The following MAPK4 variants were observed in gnomAD, a reference collection of about 807,000 sequenced individuals.
The protein encoded by MAPK4 is mitogen-activated protein kinase 4, also known as Erk3-related.
In MAPK4, 22 loss-of-function variants were observed where a neutral mutation model predicts 47.7. The ratio of observed to expected loss-of-function variants is 0.46; its 90% CI spans 0.33 to 0.66. The LOEUF (loss-of-function observed/expected upper bound fraction) is 0.66. MAPK4 is among the 30% of genes least tolerant of loss of function. The pLI is 0.02. For synonymous variants in MAPK4, 390 were observed against 365.7 expected, an observed-to-expected ratio of 1.07 and a Z score of -0.76; for missense variants, 736 against 831.7, an observed-to-expected ratio of 0.88 and a Z score of 1.42.
intron 2 of MAPK4, among the ~76,000 whole-genome samples, chr18:50,694,975 T>C (rs1909421846): frequency 6.6e-6 from 1 of 152,232 alleles, no homozygotes; most frequent in Non-Finnish European, 1.5e-5. Flanking sequence ...GGTAAGTGCC[T>C]GATAACTGGC....
Position 50,689,500 on chromosome 18 carries a change from A to G in MAPK4, c.546+24996A>G, listed in dbSNP as rs114599201. 4.3e-3 allele frequency among the ~76,000 whole-genome samples: 660 copies of G among 152,220 alleles called. 4 individuals are homozygous for G. The highest frequency in any genetic ancestry group is 0.015 in the African/African-American group (626 of 41,522). ...ACCTTTGAGGAGATGGGCAGGGGGA[A>G]TAGATGTTTTAGAGAACAGCACTGA... is the stretch of plus-strand genomic sequence containing the variant. On this transcript the variant is annotated intron_variant, in intron 2 of 5. Coordinates refer to ENST00000400384, the MANE Select transcript of MAPK4 (RefSeq NM_002747.4).
intron 2 of MAPK4, among the ~76,000 whole-genome samples, chr18:50,694,733 T>C (rs1909411385): frequency 6.6e-6 from 1 of 152,164 alleles, no homozygotes; most frequent in South Asian, 2.1e-4. Flanking sequence ...TGGGACCTGC[T>C]TGTCTCTTTG....
At chr18:50,645,362 G>A (rs192402182) in intron 1 of MAPK4, among the ~76,000 whole-genome samples, 2 of 152,298 alleles carry the variant, frequency 1.3e-5, no homozygotes, top group East Asian at 1.9e-4. Flanking sequence ...CCAACGTGCT[G>A]TCCATAGTGG....
chr18:50,670,424 T>C (rs1907875305), intron 2 of MAPK4, among the ~76,000 whole-genome samples: 1 of 152,052 alleles, frequency 6.6e-6, no homozygotes, highest in African/African-American at 2.4e-5. Context: ...TCAGACTGCT[T>C]CCATGCTTTG....
chr18:50,623,431 CCCAGT>C (rs1318040767), intron 1 of MAPK4, among the ~76,000 whole-genome samples: 1 of 152,232 alleles, frequency 6.6e-6, no homozygotes, highest in Non-Finnish European at 1.5e-5. Context: ...ACCTTCAACA[CCCAGT>C]CCAGCAAAAT....
At chr18:50,684,282 C>T (rs1908745475) in intron 2 of MAPK4, among the ~76,000 whole-genome samples, 1 of 152,184 alleles carries the variant, frequency 6.6e-6, no homozygotes, top group African/African-American at 2.4e-5. Flanking sequence ...TGATGACTCA[C>T]ATCTATAATC....
intron 2 of MAPK4, among the ~76,000 whole-genome samples, chr18:50,709,268 T>C (rs574651938): frequency 1.3e-5 from 2 of 152,308 alleles, no homozygotes; most frequent in East Asian, 3.9e-4. Flanking sequence ...TAAGTTTTTC[T>C]TCTTCCAAGG....
At chr18:50,566,759 C>G (rs1052575379) in intron 1 of MAPK4, among the ~76,000 whole-genome samples, 2 of 152,108 alleles carry the variant, frequency 1.3e-5, no homozygotes, top group East Asian at 1.9e-4. Flanking sequence ...ATCATCTTTA[C>G]AGTAAATAAC....
chr18:50,645,988 CT>C (rs2042985467), intron 1 of MAPK4, among the ~76,000 whole-genome samples: 1 of 152,176 alleles, frequency 6.6e-6, no homozygotes, highest in Non-Finnish European at 1.5e-5. Flanking sequence ...TTTCAGCAAT[CT>C]TTTGTGTGGT....
intron 2 of MAPK4, among the ~76,000 whole-genome samples, chr18:50,708,966 C>T (rs113789006): frequency 6.6e-6 from 1 of 152,288 alleles, no homozygotes; most frequent in African/African-American, 2.4e-5. Context: ...GTCTGAGGAG[C>T]TCAATAAATG....
rs555609603 is a variant in MAPK4 at position 50,599,381 on chromosome 18, A to G, written c.-871+39138A>G. On this transcript the variant is annotated intron_variant, in intron 1 of 5. Coordinates refer to ENST00000400384, the MANE Select transcript of MAPK4 (RefSeq NM_002747.4). ...AAAAGTGACAATATATGCTTAATCCATGAAATCTATGTCTATGAACATATT... is the reference window on the plus strand; with the variant it reads ...AAAAGTGACAATATATGCTTAATCCGTGAAATCTATGTCTATGAACATATT... Among the ~76,000 whole-genome samples, 80 of 152,316 alleles carry G rather than the reference A, an allele frequency of 5.3e-4. 2 individuals carry two copies. The South Asian group carries it at 0.016, about 30-fold the overall frequency.
intron 2 of MAPK4, among the ~76,000 whole-genome samples, chr18:50,699,741 A>C (rs62092225): frequency 6.6e-6 from 1 of 152,130 alleles, no homozygotes; most frequent in Non-Finnish European, 1.5e-5. Context: ...AAGAGCTACA[A>C]ATTTGGAGAT....
At chr18:50,609,567 C>T (rs2042614528) in intron 1 of MAPK4, among the ~76,000 whole-genome samples, 1 of 152,176 alleles carries the variant, frequency 6.6e-6, no homozygotes, top group Admixed American at 6.5e-5. Flanking sequence ...TACTTTGCCA[C>T]TATCGATTCT....
At chr18:50,579,407 G>A (rs1283256248) in intron 1 of MAPK4, among the ~76,000 whole-genome samples, 1 of 152,202 alleles carries the variant, frequency 6.6e-6, no homozygotes, top group Non-Finnish European at 1.5e-5. Flanking sequence ...GGAAAATGAA[G>A]TTTAAATGAA....
intron 1 of MAPK4, among the ~76,000 whole-genome samples, chr18:50,568,985 C>A (rs572440293): frequency 2.4e-4 from 36 of 152,292 alleles, no homozygotes; most frequent in African/African-American, 8.2e-4. Context: ...GCTGCATGAG[C>A]ATAGTAAGCA....
intron 2 of MAPK4, among the ~76,000 whole-genome samples, chr18:50,712,069 G>C (rs1438431350): frequency 2.0e-5 from 3 of 152,110 alleles, no homozygotes; most frequent in Non-Finnish European, 2.9e-5. Flanking sequence ...GCACCAGCTT[G>C]GCAGAAGACA....
intron 1 of MAPK4, among the ~76,000 whole-genome samples, chr18:50,658,392 A>G (rs1455426442): frequency 1.3e-5 from 2 of 152,182 alleles, no homozygotes; most frequent in African/African-American, 4.8e-5. Flanking sequence ...ACTTGGACCA[A>G]CCTGAGTTGA....
intron 2 of MAPK4, among the ~76,000 whole-genome samples, chr18:50,698,376 G>A (rs192984832): frequency 6.6e-6 from 1 of 152,164 alleles, no homozygotes; most frequent in Admixed American, 6.5e-5. Flanking sequence ...ACATATCTAA[G>A]TATATAAAAT....
At chr18:50,712,299 C>T (rs908443645) in intron 2 of MAPK4, among the ~76,000 whole-genome samples, 2 of 152,018 alleles carry the variant, frequency 1.3e-5, no homozygotes, top group Non-Finnish European at 2.9e-5. Flanking sequence ...TGTTGGTGTG[C>T]GCCTGTGGTC....
Sources: gnomAD v4.1 joint callset for allele counts (sites outside exome capture counted in the v4.1 genomes callset) on GRCh38, gnomAD v4.1.1 for gene constraint, MANE v1.5 for transcripts, NCBI Gene and HGNC (gene_info 2026-07-23, HGNC 2026-07-21) for gene names.